The following LRRC1 variants were observed in gnomAD, a reference collection of about 807,000 sequenced individuals.
The protein encoded by LRRC1 is leucine-rich repeat-containing protein 1.
A neutral mutation model predicts 69.9 loss-of-function variants in LRRC1; 28 were observed. The observed-to-expected ratio is 0.40, with a 90% CI of 0.30 to 0.55. The LOEUF is 0.55. LRRC1 is among the 20% of genes least tolerant of loss of function. The probability of loss-of-function intolerance (pLI) is 0.47; values close to 1 mark genes in which losing one functional copy is unlikely to be tolerated. For missense variants in LRRC1, 498 were observed against 609.0 expected, an observed-to-expected ratio of 0.82 and a Z score of 1.92; for synonymous variants, 236 against 240.2, an observed-to-expected ratio of 0.98 and a Z score of 0.16.
intron 1 of LRRC1, among the ~76,000 whole-genome samples, chr6:53,833,355 G>T (rs143864290): frequency 1.4e-3 from 207 of 152,190 alleles, no homozygotes; most frequent in Admixed American, 0.011. Context: ...TTTAATTATG[G>T]GGGGCAACCT....
chr6:53,908,668 CAAG>C (rs1367338093), intron 10 of LRRC1, among the ~76,000 whole-genome samples: 1 of 152,104 alleles, frequency 6.6e-6, no homozygotes, highest in Non-Finnish European at 1.5e-5. Context: ...TTCTGATCTT[CAAG>C]AAGGTAAAAG....
chr6:53,823,785 C>T (rs188893409), intron 1 of LRRC1, among the ~76,000 whole-genome samples: 47 of 152,238 alleles, frequency 3.1e-4, no homozygotes, highest in East Asian at 3.9e-4. Flanking sequence ...GGATAATGGC[C>T]GCCATCCCAT....
chr6:53,813,017 G>A (rs1297456759), intron 1 of LRRC1, among the ~76,000 whole-genome samples: 1 of 152,090 alleles, frequency 6.6e-6, no homozygotes, highest in Admixed American at 6.5e-5. Context: ...CTATGGAATA[G>A]GGAGTGGCTG....
At position 53,795,152 on chromosome 6, in the gene LRRC1, C is replaced by T; in HGVS notation, c.-105C>T. 2 of 1,036,682 alleles carry T rather than the reference C, an allele frequency of 1.9e-6. No homozygotes were observed. Among genetic ancestry groups the T allele is most frequent in the South Asian group, 3.4e-5 (2 of 59,552 alleles). 64.2% of individuals were successfully genotyped at this position (1,036,682 alleles called of 1,614,324 possible). ...AGCGAGCTAACCCAAGAGCCAACAA[C>T]GAGCGCGGAGAGGGCAGCGGACTGA... is the stretch of plus-strand genomic sequence containing the variant. On this transcript the variant is annotated 5_prime_UTR_variant, in exon 1 of 14. In the 5' UTR this introduces an upstream ATG that the reference lacks. Coordinates refer to ENST00000370888, the MANE Select transcript of LRRC1 (RefSeq NM_018214.5).
chr6:53,866,146 C>T (rs1766696727), intron 2 of LRRC1, among the ~76,000 whole-genome samples: 1 of 152,064 alleles, frequency 6.6e-6, no homozygotes, highest in Non-Finnish European at 1.5e-5. Flanking sequence ...TGAAAAGTGA[C>T]CCACATGTAA....
intron 4 of LRRC1, among the ~76,000 whole-genome samples, chr6:53,886,011 A>C (rs1767463532): frequency 1.3e-5 from 2 of 152,282 alleles, no homozygotes; most frequent in South Asian, 4.2e-4. Context: ...AATATCTAAC[A>C]GTTCATTAAG....
chr6:53,874,688 A>G (rs1472313259), intron 2 of LRRC1, among the ~76,000 whole-genome samples: 2 of 152,206 alleles, frequency 1.3e-5, no homozygotes, highest in Admixed American at 6.5e-5. Flanking sequence ...AATATTAAGT[A>G]TGTTTTGGCT....
At chr6:53,902,542 G>T in intron 8 of LRRC1, 87 bp from the exon 9 acceptor site, 1 of 768,842 alleles carries the variant, frequency 1.3e-6, no homozygotes, top group South Asian at 2.3e-5. Context: ...AAAACAAAAA[G>T]AACAGCAGAT....
At chr6:53,839,333 A>C (rs1765698668) in intron 1 of LRRC1, among the ~76,000 whole-genome samples, 1 of 152,190 alleles carries the variant, frequency 6.6e-6, no homozygotes, top group Admixed American at 6.5e-5. Context: ...CAACAAAAAA[A>C]AGAAAGATAA....
At chr6:53,902,566 C>A in intron 8 of LRRC1, 63 bp from the exon 9 acceptor site, 2 of 993,618 alleles carry the variant, frequency 2.0e-6, no homozygotes, top group East Asian at 2.5e-5. Context: ...AAATTCCAAG[C>A]AGTGATTATG....
chr6:53,811,007 GACTT>G (rs978362094), intron 1 of LRRC1, among the ~76,000 whole-genome samples: 2 of 152,076 alleles, frequency 1.3e-5, no homozygotes, highest in Admixed American at 6.5e-5. Context: ...TATCATCAGG[GACTT>G]ACTTATGTGT....
chr6:53,797,447 C>G (rs1471182185), intron 1 of LRRC1, among the ~76,000 whole-genome samples: 1 of 152,156 alleles, frequency 6.6e-6, no homozygotes, highest in Non-Finnish European at 1.5e-5. Flanking sequence ...ACATAGATAT[C>G]TGTTCCATCC....
chr6:53,917,983 G>A (rs745950684), intron 11 of LRRC1, among the ~76,000 whole-genome samples: 24 of 152,204 alleles, frequency 1.6e-4, no homozygotes, highest in Non-Finnish European at 3.2e-4. Flanking sequence ...AGGTATTTCA[G>A]TTCTGTCCCT....
At chr6:53,850,471 A>G (rs746997744) in intron 2 of LRRC1, among the ~76,000 whole-genome samples, 2 of 152,224 alleles carry the variant, frequency 1.3e-5, no homozygotes, top group Non-Finnish European at 2.9e-5. Context: ...AAATGCAGAT[A>G]TCTGAGTGCT....
chr6:53,892,011 T>TACACACACACACACACACAC (rs70980877), intron 4 of LRRC1, among the ~76,000 whole-genome samples: 35 of 135,374 alleles, frequency 2.6e-4, no homozygotes, highest in East Asian at 6.7e-4. Flanking sequence ...TATATATATA[T>TACACACACACACACACACAC]ACACACACAC....
At chr6:53,898,767 C>A (rs1430746486) in intron 7 of LRRC1, among the ~76,000 whole-genome samples, 1 of 152,104 alleles carries the variant, frequency 6.6e-6, no homozygotes, top group Non-Finnish European at 1.5e-5. Flanking sequence ...TTCCTTTAGA[C>A]AGGAAATACA....
chr6:53,800,887 G>C (rs568825968), intron 1 of LRRC1, among the ~76,000 whole-genome samples: 14 of 152,116 alleles, frequency 9.2e-5, no homozygotes, highest in Non-Finnish European at 2.1e-4. Context: ...TGATCTGCCC[G>C]CCTCAGCCTC....
intron 2 of LRRC1, among the ~76,000 whole-genome samples, chr6:53,851,163 GAACT>G (rs974906059): frequency 9.9e-5 from 13 of 131,204 alleles, no homozygotes; most frequent in African/African-American, 3.4e-4. Flanking sequence ...CAGGGAAACA[GAACT>G]AATAGGACAC....
chr6:53,823,064 C>G (rs2127409543), intron 1 of LRRC1, among the ~76,000 whole-genome samples: 1 of 152,310 alleles, frequency 6.6e-6, no homozygotes, highest in African/African-American at 2.4e-5. Flanking sequence ...CAAAATTCTC[C>G]AGGTCCCTTG....
Sources: allele counts gnomAD v4.1 joint callset (sites outside exome capture counted in the v4.1 genomes callset), GRCh38; gene constraint gnomAD v4.1.1; transcripts MANE v1.5; gene names NCBI Gene and HGNC (gene_info 2026-07-23, HGNC 2026-07-21).